The following KIRREL3 variants were observed in gnomAD, a reference collection of about 807,000 sequenced individuals.
KIRREL3 encodes the protein kin of IRRE-like protein 3.
Under a neutral mutation model 89.7 loss-of-function variants are expected in KIRREL3, and 36 were observed. That is an observed-to-expected ratio of 0.40 (90% confidence interval 0.31 to 0.53). KIRREL3 has a LOEUF of 0.53. Ranked by LOEUF, KIRREL3 falls within the 20% of genes least tolerant of loss-of-function variation. The probability of loss-of-function intolerance (pLI) is 0.49; values close to 1 mark genes in which losing one functional copy is unlikely to be tolerated. For missense variants in KIRREL3, 864 were observed against 1,056.6 expected (o/e 0.82, Z 2.53); for synonymous variants, 445 against 441.4 (o/e 1.01, Z -0.10).
intron 1 of KIRREL3, among the ~76,000 whole-genome samples, chr11:126,871,278 G>A (rs995062231): frequency 2.0e-5 from 3 of 152,136 alleles, no homozygotes; most frequent in Middle Eastern, 3.2e-3. Flanking sequence ...GTCTGAGTGG[G>A]GAGGGACATG....
Position 126,435,142 on chromosome 11 carries a change from A to G in KIRREL3, c.1588+126T>C, listed in dbSNP as rs954617060. 1.0e-5 allele frequency: 10 copies of G among 999,396 alleles called. No individual in the cohort carries two copies. The East Asian group carries it at 2.0e-4, about 20-fold the overall frequency. The allele number at this position is 999,396 out of a possible 1,614,324, so 61.9% of individuals were successfully genotyped here. A position where few individuals can be genotyped will look rare whatever the true frequency, so the allele number is the denominator to read the frequency against. ...GCTTTGTCTACACTAAACCCTCAGGACGGGGGAGGGCGGAGACACTAGCGG... is the reference window on the plus strand; with the variant it reads ...GCTTTGTCTACACTAAACCCTCAGGGCGGGGGAGGGCGGAGACACTAGCGG... On this transcript the variant is annotated intron_variant, in intron 13 of 16. Transcript: ENST00000525144.
intron 1 of KIRREL3, chr11:126,920,139 C>T (rs1293324677): frequency 1.3e-5 from 2 of 152,214 alleles, no homozygotes; most frequent in African/African-American, 2.4e-5. Context: ...AAGTAATTTT[C>T]CCAAAGTCAA....
intron 1 of KIRREL3, among the ~76,000 whole-genome samples, chr11:126,960,128 G>A (rs747326901): frequency 6.9e-4 from 105 of 152,142 alleles, no homozygotes; most frequent in Non-Finnish European, 4.7e-4. Flanking sequence ...AGGGAAGGAG[G>A]CAGAGCATAT....
intron 4 of KIRREL3, among the ~76,000 whole-genome samples, chr11:126,509,138 G>T (rs12805623): frequency 0.042 from 6,362 of 152,264 alleles, 196 homozygotes; most frequent in Non-Finnish European, 0.067. Context: ...CTAGGCATGA[G>T]CATCTTATCT....
rs1330601160 is a variant in KIRREL3 at position 126,428,634 on chromosome 11, GGTAGACTGCATTTTTGTT to G, written c.1806+527_1806+544del. Among the ~76,000 whole-genome samples, 2 of 151,962 alleles carry G rather than the reference GGTAGACTGCATTTTTGTT, an allele frequency of 1.3e-5. No homozygotes were observed. Among genetic ancestry groups the G allele is most frequent in the African/African-American group, 4.8e-5 (2 of 41,352 alleles). The stretch of plus-strand genomic sequence containing the variant: ...TACTGAAGAGCCAGGCTCTCTGAAG[GGTAGACTGCATTTTTGTT>G]GTTGTTGTTGTTTTGAGATGGAGTC... On this transcript the variant is annotated intron_variant, in intron 15 of 16. Transcript: ENST00000525144. The surrounding 1 kb of genome is among the most constrained non-coding windows in gnomAD (Gnocchi z 6.4).
chr11:126,718,466 G>C (rs931682643), intron 1 of KIRREL3, among the ~76,000 whole-genome samples: 4 of 152,222 alleles, frequency 2.6e-5, no homozygotes, highest in Non-Finnish European at 5.9e-5. Context: ...GTGTTTGGGG[G>C]CACTGGAAAC....
At chr11:126,838,776 T>C (rs187926354) in intron 1 of KIRREL3, among the ~76,000 whole-genome samples, 91 of 152,238 alleles carry the variant, frequency 6.0e-4, no homozygotes, top group African/African-American at 2.0e-3. Context: ...GTTGGAAAAA[T>C]GTATGGCAGT....
Position 126,913,829 on chromosome 11 carries a change from A to G in KIRREL3, c.55+86626T>C, listed in dbSNP as rs550110371. 3.5e-4 allele frequency among the ~76,000 whole-genome samples: 53 copies of G among 152,280 alleles called. 2 individuals carry two copies. The South Asian group carries it at 0.011, about 32-fold the overall frequency. ...GCCTGGCAGAGTAGAGTGCAGGTGG[A>G]GTCTGGGGACCGCATAGCAGAGGAG... On this transcript the variant is annotated intron_variant, in intron 1 of 16. Coordinates refer to ENST00000525144, the MANE Select transcript of KIRREL3 (RefSeq NM_032531.4).
rs1041886577 is a variant in KIRREL3 at position 126,744,141 on chromosome 11, G to GTGGCT, written c.56-181230_56-181229insAGCCA. On this transcript the variant is annotated intron_variant, in intron 1 of 16. Coordinates refer to ENST00000525144, the MANE Select transcript of KIRREL3 (RefSeq NM_032531.4). The surrounding 1 kb of genome is among the most constrained non-coding windows in gnomAD (Gnocchi z 4.7). The stretch of plus-strand genomic sequence containing the variant: ...AGGTGGAGCTGTGCTTGGGAAAGTG[G>GTGGCT]TGGACAGGCCATTCATGGAAGGCTT... Among the ~76,000 whole-genome samples, 1 of 152,212 alleles carries GTGGCT rather than the reference G, an allele frequency of 6.6e-6. No homozygotes were observed. Among genetic ancestry groups the GTGGCT allele is most frequent in the African/African-American group, 2.4e-5 (1 of 41,448 alleles).
chr11:126,469,354 C>T (rs542047517), intron 5 of KIRREL3, among the ~76,000 whole-genome samples: 10 of 152,268 alleles, frequency 6.6e-5, no homozygotes, highest in African/African-American at 1.9e-4. Flanking sequence ...TTCCTCTCTG[C>T]GGCTGATGCT....
In KIRREL3 at chr11:126,535,586, T is replaced by TGTGC. The variant is rs1213995155; in HGVS notation, c.134-8900_134-8899insGCAC. Among the ~76,000 whole-genome samples, 4 of 152,056 alleles carry TGTGC rather than the reference T, an allele frequency of 2.6e-5. No homozygotes were observed. The highest frequency in any genetic ancestry group is 5.9e-5 in the Non-Finnish European group (4 of 68,010). ...GGGTGCTGGGTCGGGTGTGTGTGTGTGTGTGTGCACGTGGGTGTGTTTGTC... is the reference window on the plus strand; with the variant it reads ...GGGTGCTGGGTCGGGTGTGTGTGTGTGTGCGTGTGTGCACGTGGGTGTGTTTGTC... On this transcript the variant is annotated intron_variant, in intron 2 of 16. Coordinates refer to ENST00000525144, the MANE Select transcript of KIRREL3 (RefSeq NM_032531.4). This position sits in a 1 kb window ranked among gnomAD's most constrained non-coding sequence, Gnocchi z 4.5.
intron 1 of KIRREL3, among the ~76,000 whole-genome samples, chr11:126,846,323 C>T (rs920749809): frequency 1.6e-4 from 25 of 152,168 alleles, no homozygotes; most frequent in Non-Finnish European, 4.4e-5. Context: ...ACTACTGGAT[C>T]TTCTTCCATC....
At chr11:126,678,599 C>CAAAAAAAAAAAAAAAAAAAAAAAA (rs59342253) in intron 1 of KIRREL3, among the ~76,000 whole-genome samples, 3 of 50,046 alleles carry the variant, frequency 6.0e-5, no homozygotes, top group African/African-American at 2.5e-4. Flanking sequence ...GACTCTGTCT[C>CAAAAAAAAAAAAAAAAAAAAAAAA]AAAAAAAAAA....
At chr11:126,714,266 C>T (rs1392738152) in intron 1 of KIRREL3, among the ~76,000 whole-genome samples, 1 of 152,228 alleles carries the variant, frequency 6.6e-6, no homozygotes, top group Non-Finnish European at 1.5e-5. Flanking sequence ...CTTCTGGTTG[C>T]AAAGCTTAAC....
intron 2 of KIRREL3, among the ~76,000 whole-genome samples, chr11:126,545,069 G>A (rs1938696831): frequency 6.6e-6 from 1 of 152,176 alleles, no homozygotes; most frequent in Admixed American, 6.5e-5. Flanking sequence ...TTGTGCTTCT[G>A]TGCTCAGTGA....
chr11:126,586,902 G>A (rs1941889043), intron 1 of KIRREL3, among the ~76,000 whole-genome samples: 1 of 152,060 alleles, frequency 6.6e-6, no homozygotes. Context: ...ATGCAGCAAG[G>A]GCCCTAAAAT....
intron 1 of KIRREL3, among the ~76,000 whole-genome samples, chr11:126,718,606 T>A (rs1051917686): frequency 5.3e-5 from 8 of 152,214 alleles, no homozygotes; most frequent in African/African-American, 1.9e-4. Context: ...GGAAGGAAGG[T>A]AGAAAGGATC....
At chr11:126,478,652 T>C (rs971669563) in intron 4 of KIRREL3, among the ~76,000 whole-genome samples, 2 of 129,120 alleles carry the variant, frequency 1.5e-5, no homozygotes, top group Admixed American at 7.1e-5. Context: ...TGTGTATGTA[T>C]GTGTATATGT....
At position 126,573,535 on chromosome 11, in the gene KIRREL3, C is replaced by T. The variant is rs555431977; in HGVS notation, c.56-10623G>A. Among the ~76,000 whole-genome samples, 33 of 147,974 alleles carry T rather than the reference C, an allele frequency of 2.2e-4. 1 individual carries two copies. The South Asian group carries it at 6.6e-3, about 30-fold the overall frequency. ...TTAGGAGAGGACCCAGCGGAAAAGG[C>T]AGGGAACCCCGCTGTCCTCCCATTA... On this transcript the variant is annotated intron_variant, in intron 1 of 16. Transcript: ENST00000525144.
Sources: allele counts gnomAD v4.1 joint callset (sites outside exome capture counted in the v4.1 genomes callset), GRCh38; gene constraint gnomAD v4.1.1; non-coding constraint Gnocchi (gnomAD v3.1); transcripts MANE v1.5; gene names NCBI Gene and HGNC (gene_info 2026-07-23, HGNC 2026-07-21).